Variants in GALNT13 observed in about 807,000 individuals in gnomAD.
GALNT13 encodes polypeptide N-acetylgalactosaminyltransferase 13, also known as UDP-GalNAc:polypeptide N-acetylgalactosaminyltransferase 13.
GALNT13 carries 28 observed loss-of-function variants against 64.2 expected under a neutral mutation model. That is an observed-to-expected ratio of 0.44 (90% CI 0.32 to 0.60). The LOEUF is 0.60. Ranked by LOEUF, GALNT13 falls within the 20% of genes least tolerant of loss-of-function variation. The pLI, the probability that GALNT13 is intolerant of heterozygous loss-of-function variation, is 0.05. For missense variants in GALNT13, 577 were observed against 669.8 expected (o/e 0.86, Z 1.53); for synonymous variants, 214 against 224.6 (o/e 0.95, Z 0.42).
the GALNT13 span, among the ~76,000 whole-genome samples, chr2:153,780,902 A>G: frequency 6.6e-6 from 1 of 152,190 alleles, no homozygotes; most frequent in African/African-American, 2.4e-5. Context: ...ACCTACTTAC[A>G]GTTTAATGGG....
chr2:153,129,279 C>T, the GALNT13 span, among the ~76,000 whole-genome samples: 3 of 152,246 alleles, frequency 2.0e-5, no homozygotes. Flanking sequence ...AATCAAAGTC[C>T]TTCTACTCAA....
chr2:153,533,948 G>C, the GALNT13 span, among the ~76,000 whole-genome samples: 2 of 150,784 alleles, frequency 1.3e-5, no homozygotes, highest in Non-Finnish European at 3.0e-5. Flanking sequence ...ATATTGCCCA[G>C]GCAGGTCTCG....
the GALNT13 span, among the ~76,000 whole-genome samples, chr2:153,661,013 G>A: frequency 1.3e-5 from 2 of 152,026 alleles, no homozygotes; most frequent in African/African-American, 4.8e-5. Context: ...AATCTACCAG[G>A]ATAGGTATAA....
chr2:154,317,351 A>G (rs1044045776), intron 9 of GALNT13, among the ~76,000 whole-genome samples: 4 of 152,184 alleles, frequency 2.6e-5, no homozygotes, highest in African/African-American at 9.7e-5. Context: ...TTTCCAGAAA[A>G]TGTTGTATTT....
chr2:153,797,840 T>C, the GALNT13 span, among the ~76,000 whole-genome samples: 1 of 152,174 alleles, frequency 6.6e-6, no homozygotes, highest in Admixed American at 6.5e-5. Flanking sequence ...AGTATACCCA[T>C]AAGCAGACTG....
intron 3 of GALNT13, among the ~76,000 whole-genome samples, chr2:153,999,481 A>G (rs1467169681): frequency 6.6e-6 from 1 of 152,036 alleles, no homozygotes; most frequent in Non-Finnish European, 1.5e-5. Flanking sequence ...GTTTTGAAGT[A>G]TGGTATTTCT....
chr2:154,050,294 A>G (rs1427832476), intron 3 of GALNT13, among the ~76,000 whole-genome samples: 1 of 152,224 alleles, frequency 6.6e-6, no homozygotes, highest in Non-Finnish European at 1.5e-5. Context: ...GAGACTATGC[A>G]TGGGAAAAAG....
At chr2:153,788,875 G>A in the GALNT13 span, among the ~76,000 whole-genome samples, 26 of 152,188 alleles carry the variant, frequency 1.7e-4, no homozygotes, top group African/African-American at 5.8e-4. Flanking sequence ...TAATGGTAAA[G>A]GATTCAATTC....
At chr2:153,095,053 T>A in the GALNT13 span, among the ~76,000 whole-genome samples, 1 of 152,006 alleles carries the variant, frequency 6.6e-6, no homozygotes, top group African/African-American at 2.4e-5. Context: ...CTAATTAAAC[T>A]AAAGAGCTTC....
At chr2:153,809,217 A>G in the GALNT13 span, among the ~76,000 whole-genome samples, 465 of 152,334 alleles carry the variant, frequency 3.1e-3, 3 homozygotes, top group African/African-American at 0.011. Flanking sequence ...TTCAGCCTAC[A>G]TTAATATGCA....
chr2:153,478,210 C>A, the GALNT13 span: 1 of 1,578,876 alleles, frequency 6.3e-7, no homozygotes, highest in Non-Finnish European at 8.6e-7. Flanking sequence ...GGCGTGGGAG[C>A]GGTTGCCGCG....
At chr2:154,425,041 T>C (rs1162670379) in intron 11 of GALNT13, among the ~76,000 whole-genome samples, 1 of 152,182 alleles carries the variant, frequency 6.6e-6, no homozygotes, top group Non-Finnish European at 1.5e-5. Context: ...CGGTGAAGAG[T>C]ACTCTCCCTT....
At chr2:153,302,394 C>T in the GALNT13 span, among the ~76,000 whole-genome samples, 1 of 151,892 alleles carries the variant, frequency 6.6e-6, no homozygotes, top group African/African-American at 2.4e-5. Flanking sequence ...ATTTTTAAAT[C>T]AGGGTTTTGT....
intron 3 of GALNT13, among the ~76,000 whole-genome samples, chr2:154,080,339 G>T (rs1175427050): frequency 6.6e-6 from 1 of 151,446 alleles, no homozygotes; most frequent in African/African-American, 2.4e-5. Flanking sequence ...GAAAGAAGAA[G>T]GATTAAGTAT....
chr2:154,005,232 C>G (rs1337181312), intron 3 of GALNT13, among the ~76,000 whole-genome samples: 1 of 152,058 alleles, frequency 6.6e-6, no homozygotes, highest in Non-Finnish European at 1.5e-5. Context: ...TATTGATATA[C>G]AAGCAATAAT....
the GALNT13 span, among the ~76,000 whole-genome samples, chr2:153,300,904 C>A: frequency 1.3e-5 from 2 of 152,012 alleles, no homozygotes; most frequent in African/African-American, 4.8e-5. Flanking sequence ...TATGATAATT[C>A]ATTAAATTAA....
the GALNT13 span, among the ~76,000 whole-genome samples, chr2:153,265,277 A>T: frequency 1.3e-5 from 2 of 152,172 alleles, no homozygotes; most frequent in Non-Finnish European, 2.9e-5. Context: ...TGGCCTAGAC[A>T]GCCTTTCATG....
At chr2:153,382,645 G>C in the GALNT13 span, among the ~76,000 whole-genome samples, 1 of 151,876 alleles carries the variant, frequency 6.6e-6, no homozygotes, top group Non-Finnish European at 1.5e-5. Flanking sequence ...ATTTTTACTT[G>C]TTATTTGCTT....
At chr2:153,150,038 CTG>C in the GALNT13 span, among the ~76,000 whole-genome samples, 1 of 151,756 alleles carries the variant, frequency 6.6e-6, no homozygotes, top group Admixed American at 6.6e-5. Flanking sequence ...TCCTCTGTCT[CTG>C]TGTCATCCAT....
Sources: allele counts gnomAD v4.1 joint callset (sites outside exome capture counted in the v4.1 genomes callset), GRCh38; gene constraint gnomAD v4.1.1; transcripts MANE v1.5; gene names NCBI Gene and HGNC (gene_info 2026-07-23, HGNC 2026-07-21).